Variants in MACROD2 observed in about 807,000 individuals in gnomAD.
The protein encoded by MACROD2 is mono-ADP ribosylhydrolase 2, also known as ADP-ribose glycohydrolase MACROD2.
Under a neutral mutation model 70.4 loss-of-function variants are expected in MACROD2, and 36 were observed. That is an observed-to-expected ratio of 0.51 (90% CI 0.39 to 0.68). MACROD2 has a LOEUF of 0.68. Among genes scored for constraint, MACROD2 ranks in the 30% least tolerant of loss-of-function variants. The probability of loss-of-function intolerance (pLI) is 0.00; values close to 1 mark genes in which losing one functional copy is unlikely to be tolerated. For missense variants in MACROD2, 496 were observed against 538.4 expected (o/e 0.92, Z 0.78); for synonymous variants, 172 against 178.8 (o/e 0.96, Z 0.30).
chr20:14,366,371 CTT>C (rs57269509), intron 3 of MACROD2, among the ~76,000 whole-genome samples: 4 of 137,856 alleles, frequency 2.9e-5, no homozygotes, highest in Admixed American at 7.3e-5. Context: ...TAACTTGTAA[CTT>C]TTTTTTTTTT....
chr20:15,619,528 C>A, intron 8 of MACROD2: 1 of 389,788 alleles, frequency 2.6e-6, no homozygotes. Context: ...TGAGGATTTT[C>A]TGGGCAGATC....
At chr20:14,848,802 A>T (rs1470357985) in intron 5 of MACROD2, among the ~76,000 whole-genome samples, 1 of 152,106 alleles carries the variant, frequency 6.6e-6, no homozygotes, top group Non-Finnish European at 1.5e-5. Flanking sequence ...ATATAATCGG[A>T]TTTTCATCTT....
At chr20:15,387,738 A>ATTT (rs11304564) in intron 6 of MACROD2, among the ~76,000 whole-genome samples, 31 of 130,344 alleles carry the variant, frequency 2.4e-4, no homozygotes, top group African/African-American at 8.3e-4. Context: ...AAACTCAGGG[A>ATTT]TTTTTTTTTT....
chr20:14,500,843 A>G (rs952813542), intron 4 of MACROD2, among the ~76,000 whole-genome samples: 4 of 152,178 alleles, frequency 2.6e-5, no homozygotes, highest in African/African-American at 7.2e-5. Flanking sequence ...GTATTCCCCA[A>G]TTAAGGCAGA....
intron 5 of MACROD2, among the ~76,000 whole-genome samples, chr20:14,702,602 T>TAC (rs2071214092): frequency 3.0e-5 from 2 of 67,224 alleles, no homozygotes; most frequent in Non-Finnish European, 5.5e-5. Flanking sequence ...TATATGTGTG[T>TAC]ATATATATGT....
intron 5 of MACROD2, among the ~76,000 whole-genome samples, chr20:14,931,723 G>T (rs1303366891): frequency 2.1e-5 from 3 of 142,502 alleles, no homozygotes; most frequent in Non-Finnish European, 4.7e-5. Context: ...GTCAGGTGTG[G>T]TGGCTTACAC....
At chr20:14,754,271 G>A (rs147016989) in intron 5 of MACROD2, among the ~76,000 whole-genome samples, 13 of 152,166 alleles carry the variant, frequency 8.5e-5, no homozygotes, top group African/African-American at 2.2e-4. Flanking sequence ...ATTTAAAAAT[G>A]CAGTTATTTT....
chr20:14,300,482 G>T (rs532107972), intron 3 of MACROD2, among the ~76,000 whole-genome samples: 1 of 152,122 alleles, frequency 6.6e-6, no homozygotes, highest in African/African-American at 2.4e-5. Context: ...TGTTGTTGTC[G>T]TTAATGGTAC....
At chr20:15,172,216 A>C (rs957248238) in intron 5 of MACROD2, among the ~76,000 whole-genome samples, 1 of 152,132 alleles carries the variant, frequency 6.6e-6, no homozygotes, top group Admixed American at 6.5e-5. Context: ...AAGAGGCAAA[A>C]AGGAAAAATC....
intron 3 of MACROD2, among the ~76,000 whole-genome samples, chr20:14,424,855 G>A (rs559425485): frequency 6.6e-6 from 1 of 152,280 alleles, no homozygotes; most frequent in East Asian, 1.9e-4. Context: ...AATTGGGGAT[G>A]ATTTCTCTAG....
At chr20:15,259,289 GAGAGAAGAC>G (rs2077227540) in intron 6 of MACROD2, among the ~76,000 whole-genome samples, 1 of 152,016 alleles carries the variant, frequency 6.6e-6, no homozygotes, top group African/African-American at 2.4e-5. Flanking sequence ...GAAAGTTAAG[GAGAGAAGAC>G]ACCTGAGATA....
At chr20:15,241,381 C>T (rs1427613725) in intron 6 of MACROD2, among the ~76,000 whole-genome samples, 1 of 152,148 alleles carries the variant, frequency 6.6e-6, no homozygotes, top group East Asian at 1.9e-4. Context: ...GATGCTGTGA[C>T]ATTCATTATT....
At chr20:14,624,938 T>G (rs1968928819) in intron 4 of MACROD2, among the ~76,000 whole-genome samples, 1 of 152,182 alleles carries the variant, frequency 6.6e-6, no homozygotes, top group Non-Finnish European at 1.5e-5. Flanking sequence ...GGTCAGAGGT[T>G]TGCACATTGC....
chr20:14,560,358 T>C (rs879384748), intron 4 of MACROD2, among the ~76,000 whole-genome samples: 3 of 150,066 alleles, frequency 2.0e-5, no homozygotes, highest in Non-Finnish European at 4.5e-5. Context: ...CATGTGTGTA[T>C]ACATGCCCGG....
rs1208634008 is a variant in MACROD2, at chr20:14,295,621, TTTAAC to T, written c.272-197852_272-197848del. 1.1e-4 allele frequency among the ~76,000 whole-genome samples: 16 copies of T among 151,964 alleles called. No homozygotes were observed. In the South Asian group the frequency reaches 3.1e-3, roughly 30 times the overall value. On this transcript the variant is annotated intron_variant, in intron 3 of 17. Coordinates refer to ENST00000684519, the MANE Select transcript of MACROD2 (RefSeq NM_001351661.2). The stretch of plus-strand genomic sequence containing the variant: ...TGCTACCATTCTGTACCTTGCTCTT[TTTAAC>T]TTAACAATGTATTTATTTATTATTT...
chr20:15,223,935 C>T (rs1056352357), intron 5 of MACROD2, among the ~76,000 whole-genome samples: 1 of 152,170 alleles, frequency 6.6e-6, no homozygotes, highest in African/African-American at 2.4e-5. Flanking sequence ...ATGGCGTCCA[C>T]CTGCTGGTAC....
At chr20:14,424,005 G>T (rs150799637) in intron 3 of MACROD2, among the ~76,000 whole-genome samples, 1 of 151,372 alleles carries the variant, frequency 6.6e-6, no homozygotes, top group Admixed American at 6.6e-5. Context: ...CAGGTGATCC[G>T]CCCGCCTCAG....
chr20:14,332,589 G>C (rs921881229), intron 3 of MACROD2, among the ~76,000 whole-genome samples: 1 of 152,094 alleles, frequency 6.6e-6, no homozygotes, highest in Non-Finnish European at 1.5e-5. Context: ...ATTAATTCAA[G>C]TATAAGGTTT....
chr20:14,895,771 CTTA>C lies in MACROD2; in HGVS notation c.418+210817_418+210819del, dbSNP rs533211091. The stretch of plus-strand genomic sequence containing the variant: ...TCCATTAAATGTGGGTAGTGATTAA[CTTA>C]TTATCTCAGGTTAGGTTCCTTTCTA... On this transcript the variant is annotated intron_variant, in intron 5 of 17. Transcript: ENST00000684519. Among the ~76,000 whole-genome samples, 765 of 151,986 alleles carry C rather than the reference CTTA, an allele frequency of 5.0e-3. 10 individuals carry two copies. Among genetic ancestry groups the C allele is most frequent in the African/African-American group, 0.017 (721 of 41,468 alleles).
Sources: gnomAD v4.1 joint callset for allele counts (sites outside exome capture counted in the v4.1 genomes callset) on GRCh38, gnomAD v4.1.1 for gene constraint, MANE v1.5 for transcripts, NCBI Gene and HGNC (gene_info 2026-07-23, HGNC 2026-07-21) for gene names.